The following SLC35B3 variants were observed in gnomAD, a reference collection of about 807,000 sequenced individuals.
The protein encoded by SLC35B3 is solute carrier family 35 member B3.
SLC35B3 carries 35 observed loss-of-function variants against 44.1 expected under a neutral mutation model. That is an observed-to-expected ratio of 0.79 (90% CI 0.61 to 1.05). The LOEUF is 1.05. Ranked by LOEUF, SLC35B3 falls within the 50% of genes least tolerant of loss-of-function variation. The pLI, the probability that SLC35B3 is intolerant of heterozygous loss-of-function variation, is 0.00. For synonymous variants in SLC35B3, 146 were observed against 167.3 expected, an observed-to-expected ratio of 0.87 and a Z score of 0.98; for missense variants, 414 against 476.4, an observed-to-expected ratio of 0.87 and a Z score of 1.22.
intron 4 of SLC35B3, among the ~76,000 whole-genome samples, chr6:8,423,422 A>G (rs199513460): frequency 1.4e-5 from 2 of 138,390 alleles, no homozygotes; most frequent in Non-Finnish European, 3.1e-5. Flanking sequence ...TGACTCTCTC[A>G]TGATTTCAAG....
chr6:8,426,079 A>G (rs1763384202), intron 4 of SLC35B3, among the ~76,000 whole-genome samples: 1 of 152,224 alleles, frequency 6.6e-6, no homozygotes, highest in Admixed American at 6.5e-5. Flanking sequence ...TCATATGGCA[A>G]TGTTAGCTGG....
chr6:8,430,801 G>C (rs980786305), intron 2 of SLC35B3, among the ~76,000 whole-genome samples: 1 of 152,120 alleles, frequency 6.6e-6, no homozygotes, highest in Admixed American at 6.5e-5. Flanking sequence ...GGGAGGCTGA[G>C]GCAGGATGAT....
intron 5 of SLC35B3, 72 bp downstream of exon 4, chr6:8,422,397 GT>G: frequency 8.8e-7 from 1 of 1,130,970 alleles, no homozygotes. Context: ...GAAGTTTAAT[GT>G]TTTTCCTAAT....
Position 8,433,822 on chromosome 6 carries a change from C to T in SLC35B3, c.3+563G>A, listed in dbSNP as rs1764218370. ...GTGTGACTGATAAAGACCTCTGATA[C>T]CTAATAACTGTGATCATTGGGGAAT... On this transcript the variant is annotated intron_variant, in intron 2 of 10. Coordinates refer to ENST00000644923, the MANE Select transcript of SLC35B3 (RefSeq NM_001370476.2). The surrounding 1 kb of genome is among the most constrained non-coding windows in gnomAD (Gnocchi z 4.1). 6.6e-6 allele frequency among the ~76,000 whole-genome samples: 1 copy of T among 151,802 alleles called. No individual in the cohort carries two copies. The highest frequency in any genetic ancestry group is 1.5e-5 in the Non-Finnish European group (1 of 67,990).
intron 8 of SLC35B3, 128 bp downstream of exon 7, chr6:8,417,274 G>A (rs769495896): frequency 1.3e-4 from 81 of 647,626 alleles, no homozygotes; most frequent in Non-Finnish European, 1.9e-4. Flanking sequence ...ATTAATTTCC[G>A]ATTGGCATGT....
intron 4 of SLC35B3, among the ~76,000 whole-genome samples, chr6:8,424,953 G>T (rs868179264): frequency 1.2e-4 from 19 of 152,286 alleles, no homozygotes; most frequent in African/African-American, 4.6e-4. Context: ...CTAACGAGTA[G>T]CAGTACCATT....
intron 4 of SLC35B3, among the ~76,000 whole-genome samples, chr6:8,426,597 G>A (rs911486453): frequency 6.6e-6 from 1 of 152,084 alleles, no homozygotes; most frequent in Non-Finnish European, 1.5e-5. Flanking sequence ...TGATTCTGAG[G>A]CCTCCCAAGC....
Position 8,420,871 on chromosome 6 carries a change from C to G in SLC35B3, c.575-43G>C, listed in dbSNP as rs146523676. On this transcript the variant is annotated intron_variant, in intron 5 of 10. Transcript: ENST00000644923. The surrounding 1 kb of genome is among the most constrained non-coding windows in gnomAD (Gnocchi z 4.4). ...AAGTCCACTTCATTATGCAAATACC[C>G]ACCCAGCTTTATATTTGCTCTATGT... The G allele has an allele frequency of 3.6e-4, 516 of 1,445,574 alleles. 4 individuals carry two copies. In the African/African-American group the frequency reaches 5.9e-3, roughly 17 times the overall value. 89.5% of individuals were successfully genotyped at this position (1,445,574 alleles called of 1,614,324 possible). A position where few individuals can be genotyped will look rare whatever the true frequency, so the allele number is the denominator to read the frequency against.
In SLC35B3 at chr6:8,421,875, C is replaced by T. The variant is rs181906776; in HGVS notation, c.574+595G>A. Among the ~76,000 whole-genome samples the T allele has an allele frequency of 2.0e-5, 3 of 152,172 alleles. No individual in the cohort carries two copies. The East Asian group carries it at 5.8e-4, about 29-fold the overall frequency. On this transcript the variant is annotated intron_variant, in intron 5 of 10. Transcript: ENST00000644923. ...GTACTTTTGAACTAGACCTTTAATA[C>T]GTAAATATAGTATTGCTGGAAATGT...
chr6:8,434,849 T>C lies in SLC35B3; in HGVS notation c.-43-419A>G, dbSNP rs956597588. Among the ~76,000 whole-genome samples the C allele has an allele frequency of 1.3e-5, 2 of 152,182 alleles. No homozygotes were observed. Among genetic ancestry groups the C allele is most frequent in the Non-Finnish European group, 2.9e-5 (2 of 68,034 alleles). On this transcript the variant is annotated intron_variant, in intron 1 of 10. Coordinates refer to ENST00000644923, the MANE Select transcript of SLC35B3 (RefSeq NM_001370476.2). This position sits in a 1 kb window ranked among gnomAD's most constrained non-coding sequence, Gnocchi z 6.3. ...TTCAGTTGCAAAGACTGGAGGAAACTTGCAGAACTTCTAGTGGAAGTTTAT... is the reference window on the plus strand; with the variant it reads ...TTCAGTTGCAAAGACTGGAGGAAACCTGCAGAACTTCTAGTGGAAGTTTAT...
Position 8,430,061 on chromosome 6 carries a change from C to A in SLC35B3, c.100G>T (p.Asp34Tyr). 1 of 1,613,784 alleles carries A rather than the reference C, an allele frequency of 6.2e-7. No individual in the cohort carries two copies. Residue 34 changes from aspartate (D) to tyrosine (Y), a missense_variant, in exon 3 of 11, where the codon GAT becomes TAT. By Grantham distance (160) the Asp-to-Tyr change is radical. Transcript: ENST00000644923. The stretch of plus-strand genomic sequence containing the variant: ...TTCCTGGAATTGTTGAACTTGAGAT[C>A]CATTGTTATTTTGCTGCATTCAATG...
chr6:8,430,994 C>CA (rs1477165202), intron 2 of SLC35B3, among the ~76,000 whole-genome samples: 7 of 152,192 alleles, frequency 4.6e-5, no homozygotes, highest in African/African-American at 1.4e-4. Context: ...CAATATGCTT[C>CA]AGCAGTAGCA....
Position 8,420,099 on chromosome 6 carries a change from TA to T in SLC35B3, c.683-423del, listed in dbSNP as rs1762765403. Among the ~76,000 whole-genome samples, 2 of 151,896 alleles carry T rather than the reference TA, an allele frequency of 1.3e-5. No homozygotes were observed. The highest frequency in any genetic ancestry group is 4.2e-4 in the South Asian group (2 of 4,804). ...CATTTTTGAAAAACCCTATTATTAC[TA>T]AAATGTTTAATTTAAATCACATAAA... On this transcript the variant is annotated intron_variant, in intron 6 of 10. Transcript: ENST00000644923. The surrounding 1 kb of genome is among the most constrained non-coding windows in gnomAD (Gnocchi z 4.4).
In SLC35B3 at chr6:8,433,446, CA is replaced by C. The variant is rs1431694886; in HGVS notation, c.3+938del. Among the ~76,000 whole-genome samples, 3 of 152,222 alleles carry C rather than the reference CA, an allele frequency of 2.0e-5. No homozygotes were observed. The East Asian group carries it at 5.8e-4, about 29-fold the overall frequency. ...CTTCCTATGATGTTCTGGCACATAA[CA>C]AAAATGTAAGATTAAATGAAGGACT... On this transcript the variant is annotated intron_variant, in intron 2 of 10. Coordinates refer to ENST00000644923, the MANE Select transcript of SLC35B3 (RefSeq NM_001370476.2). This position sits in a 1 kb window ranked among gnomAD's most constrained non-coding sequence, Gnocchi z 4.1.
chr6:8,417,243 A>G (rs1457591638), intron 8 of SLC35B3, among the ~76,000 whole-genome samples, 159 bp downstream of exon 7: 2 of 152,172 alleles, frequency 1.3e-5, no homozygotes, highest in Non-Finnish European at 2.9e-5. Context: ...AAATTTAAAT[A>G]TCAGTCATTT....
chr6:8,418,127 C>G (rs1424600633), intron 7 of SLC35B3, among the ~76,000 whole-genome samples: 1 of 152,094 alleles, frequency 6.6e-6, no homozygotes, highest in Non-Finnish European at 1.5e-5. Context: ...GATGAAGAAA[C>G]TATAACTTAG....
At chr6:8,414,220 T>C (rs1762210590) in intron 10 of SLC35B3, among the ~76,000 whole-genome samples, 1 of 152,166 alleles carries the variant, frequency 6.6e-6, no homozygotes, top group Admixed American at 6.6e-5. Context: ...AACTAGTTTA[T>C]AGACAAATAA....
In SLC35B3 at chr6:8,419,787, C is replaced by A. The variant is rs1395958387; in HGVS notation, c.683-110G>T. On this transcript the variant is annotated intron_variant, in intron 6 of 10. Transcript: ENST00000644923. The surrounding 1 kb of genome is among the most constrained non-coding windows in gnomAD (Gnocchi z 4.3). ...ATTGGTCTAAAAAACAAAAGCAGAT[C>A]TTCAACTACATTTGTTCGGTAATCC... The A allele has an allele frequency of 1.3e-5, 7 of 527,902 alleles. No individual in the cohort carries two copies. The East Asian group carries it at 2.1e-4, about 16-fold the overall frequency. 32.7% of individuals were successfully genotyped at this position (527,902 alleles called of 1,614,324 possible).
At position 8,428,430 on chromosome 6, in the gene SLC35B3, A is replaced by AT. The variant is rs1325514527; in HGVS notation, c.298-373dup. Among the ~76,000 whole-genome samples the AT allele has an allele frequency of 1.6e-4, 24 of 152,210 alleles. 1 individual carries two copies. Among genetic ancestry groups the AT allele is most frequent in the African/African-American group, 5.5e-4 (23 of 41,464 alleles). On this transcript the variant is annotated intron_variant, in intron 3 of 10. Coordinates refer to ENST00000644923, the MANE Select transcript of SLC35B3 (RefSeq NM_001370476.2). ...TTGATCAATAAATCAAATTGAATAA[A>AT]TGAAGTGTATGTATGAATATGCATA...
Sources: gnomAD v4.1 joint callset for allele counts (sites outside exome capture counted in the v4.1 genomes callset) on GRCh38, gnomAD v4.1.1 for gene constraint, Gnocchi (gnomAD v3.1) non-coding constraint, MANE v1.5 for transcripts, NCBI Gene and HGNC (gene_info 2026-07-23, HGNC 2026-07-21) for gene names.